The following CDC5L variants were observed in gnomAD, a reference collection of about 807,000 sequenced individuals.
CDC5L encodes cell division cycle 5-like protein.
In CDC5L, 18 loss-of-function variants were observed where a neutral mutation model predicts 104.1. That is an observed-to-expected ratio of 0.17 (90% CI 0.12 to 0.26). The LOEUF is 0.26. Ranked by LOEUF, CDC5L falls within the 10% of genes least tolerant of loss-of-function variation. The pLI, the probability that CDC5L is intolerant of heterozygous loss-of-function variation, is 1.00. For missense variants in CDC5L, 673 were observed against 956.9 expected (o/e 0.70, Z 3.91); for synonymous variants, 331 against 322.7 (o/e 1.03, Z -0.28).
At chr6:44,411,978 A>G (rs1791662981) in intron 8 of CDC5L, among the ~76,000 whole-genome samples, 1 of 152,158 alleles carries the variant, frequency 6.6e-6, no homozygotes, top group Admixed American at 6.5e-5. Flanking sequence ...CCACTCACAG[A>G]GGAAATATGG....
chr6:44,410,209 AG>A (rs918810211), intron 8 of CDC5L, among the ~76,000 whole-genome samples: 9 of 152,186 alleles, frequency 5.9e-5, no homozygotes, highest in African/African-American at 2.2e-4. Context: ...GTCCTTTGAC[AG>A]ATATCTCCCT....
At chr6:44,397,390 T>C (rs916870393) in intron 5 of CDC5L, among the ~76,000 whole-genome samples, 2 of 152,278 alleles carry the variant, frequency 1.3e-5, no homozygotes, top group Non-Finnish European at 2.9e-5. Context: ...TGAATAATAA[T>C]TGGAATTGTC....
Position 44,422,717 on chromosome 6 carries a change from A to G in CDC5L, c.1312A>G (p.Thr438Ala), listed in dbSNP as rs1272562134. 1.2e-5 allele frequency: 19 copies of G among 1,612,940 alleles called. No homozygotes were observed. Among genetic ancestry groups the G allele is most frequent in the African/African-American group, 1.1e-4 (8 of 74,848 alleles). ...AACTCCCAAACCAGTTATTAACTCT[A>G]CTCCGGGTAGAACTCCTCTTCGAGA... Reference protein sequence around the residue: ...GTTPKPVINSTPGRTPLRDKL... With the variant: ...GTTPKPVINSAPGRTPLRDKL... The change falls in exon 10 of 16, where the codon ACT becomes GCT. Residue 438 changes from threonine to alanine, a missense_variant. Coordinates refer to ENST00000371477, the MANE Select transcript of CDC5L (RefSeq NM_001253.4).
Position 44,403,843 on chromosome 6 carries a change from C to G in CDC5L, c.574C>G (p.Arg192Gly). Residue 192 changes from arginine (R) to glycine (G), a missense_variant, in exon 6 of 16, where the codon CGA becomes GGA. Physicochemically the swap from Arg to Gly is moderately radical, Grantham distance 125. Coordinates refer to ENST00000371477, the MANE Select transcript of CDC5L (RefSeq NM_001253.4). ...TGCCCTCCAAAAAAGAAGAGAACTTCGAGCAGCTGGCATAGAAATTCAGAA... is the reference window on the plus strand; with the variant it reads ...TGCCCTCCAAAAAAGAAGAGAACTTGGAGCAGCTGGCATAGAAATTCAGAA... ...LAALQKRREL[R>G]AAGIEIQKKR... The G allele has an allele frequency of 6.2e-7, 1 of 1,610,832 alleles. No homozygotes were observed. The highest frequency in any genetic ancestry group is 8.5e-7 in the Non-Finnish European group (1 of 1,179,114).
chr6:44,446,074 C>G (rs943930956), intron 15 of CDC5L, among the ~76,000 whole-genome samples: 2 of 152,148 alleles, frequency 1.3e-5, no homozygotes, highest in African/African-American at 4.8e-5. Flanking sequence ...CAAAGGCCTT[C>G]CCTTACTCAT....
In CDC5L at chr6:44,406,412, G is replaced by A. The variant is rs1045453881; in HGVS notation, c.848G>A (p.Ser283Asn). ...SDLPSAILQTSGVSEFTKKRS... is the reference protein window; with the variant it reads ...SDLPSAILQTNGVSEFTKKRS... ...TTACCATCAGCTATTCTTCAAACTA[G>A]TGGTGTTTCTGAATTTACTAAAAAG... The change falls in exon 7 of 16, where the codon AGT becomes AAT. Residue 283 changes from serine (S) to asparagine (N), a missense_variant. Physicochemically the swap from Ser to Asn is conservative, Grantham distance 46. This residue lies in a region of CDC5L where 578 missense variants were observed against 737.0 expected (regional missense o/e 0.78). Coordinates refer to ENST00000371477, the MANE Select transcript of CDC5L (RefSeq NM_001253.4). 1 of 1,611,728 alleles carries A rather than the reference G, an allele frequency of 6.2e-7. No homozygotes were observed. The highest frequency in any genetic ancestry group is 1.7e-5 in the Admixed American group (1 of 59,722).
chr6:44,394,836 A>ACAGAG, intron 4 of CDC5L, among the ~76,000 whole-genome samples: 1 of 130,168 alleles, frequency 7.7e-6, no homozygotes, highest in Non-Finnish European at 1.6e-5. Context: ...AGCCTGGGCA[A>ACAGAG]CAGAGCAGGA....
At chr6:44,428,729 C>CT (rs1168199186) in intron 13 of CDC5L, among the ~76,000 whole-genome samples, 1 of 152,146 alleles carries the variant, frequency 6.6e-6, no homozygotes, top group African/African-American at 2.4e-5. Context: ...TCATTTTACA[C>CT]TATTTTCTTT....
At chr6:44,397,188 G>A (rs1790909795) in intron 5 of CDC5L, among the ~76,000 whole-genome samples, 1 of 152,204 alleles carries the variant, frequency 6.6e-6, no homozygotes, top group East Asian at 1.9e-4. Context: ...CCAGCTATCA[G>A]TCAACTCATT....
Position 44,445,837 on chromosome 6 carries a change from T to G in CDC5L, c.2274T>G (p.His758Gln), listed in dbSNP as rs1301103652. 1.2e-6 allele frequency: 2 copies of G among 1,613,862 alleles called. No homozygotes were observed. Among genetic ancestry groups the G allele is most frequent in the Non-Finnish European group, 1.7e-6 (2 of 1,179,794 alleles). The change falls in exon 15 of 16, where the codon CAT (histidine) becomes CAG (glutamine). Residue 758 changes from histidine (H) to glutamine (Q), a missense_variant. By Grantham distance (24) the His-to-Gln change is conservative. Transcript: ENST00000371477. ...GCACTTTTGAAGAACTCAAGAAACATGAAGATTCTGCTATTCCCCGGAGGC... is the reference window on the plus strand; with the variant it reads ...GCACTTTTGAAGAACTCAAGAAACAGGAAGATTCTGCTATTCCCCGGAGGC... ...ELRTFEELKK[H>Q]EDSAIPRRLE...
intron 1 of CDC5L, among the ~76,000 whole-genome samples, chr6:44,388,656 TCG>T: frequency 6.6e-6 from 1 of 151,978 alleles, no homozygotes; most frequent in East Asian, 1.9e-4. Context: ...TGTCTTTTTT[TCG>T]TTACATTTTA....
In CDC5L at chr6:44,445,707, A is replaced by G. The variant is rs1464514037; in HGVS notation, c.2144A>G (p.Lys715Arg). Residue 715 changes from lysine to arginine, a missense_variant, in exon 15 of 16, where the codon AAG (lysine) becomes AGG (arginine). This residue lies in a region of CDC5L where 578 missense variants were observed against 737.0 expected (regional missense o/e 0.78). Transcript: ENST00000371477. ...GCCAAGAGGGCTGCAAAGATGGAAAAGAAGATGAAAATTTTGCTTGGGGGT... is the reference window on the plus strand; with the variant it reads ...GCCAAGAGGGCTGCAAAGATGGAAAGGAAGATGAAAATTTTGCTTGGGGGT... ...TEAKRAAKME[K>R]KMKILLGGYQ... is the part of the protein sequence containing the mutation. The G allele has an allele frequency of 6.2e-7, 1 of 1,614,124 alleles. No homozygotes were observed. The highest frequency in any genetic ancestry group is 1.1e-5 in the South Asian group (1 of 91,080).
At chr6:44,408,181 T>C (rs905924874) in intron 7 of CDC5L, among the ~76,000 whole-genome samples, 7 of 152,034 alleles carry the variant, frequency 4.6e-5, no homozygotes, top group African/African-American at 1.7e-4. Context: ...TACTGTGAAC[T>C]TGTGATATTA....
At chr6:44,428,913 A>T (rs754009265) in intron 13 of CDC5L, among the ~76,000 whole-genome samples, 4 of 151,920 alleles carry the variant, frequency 2.6e-5, no homozygotes, top group Non-Finnish European at 5.9e-5. Flanking sequence ...GGGAGAGTGG[A>T]AGGGGCACAC....
Position 44,448,657 on chromosome 6 carries a change from A to G in CDC5L, c.*1946A>G, listed in dbSNP as rs558372440. On this transcript the variant is annotated 3_prime_UTR_variant, in exon 16 of 16. Coordinates refer to ENST00000371477, the MANE Select transcript of CDC5L (RefSeq NM_001253.4). ...TCAGTAAGTTCTGGGTTTTCTAGGA[A>G]AAACTTCAGTATCATCAGTGAATAA... is the stretch of plus-strand genomic sequence containing the variant. 2 of 152,360 alleles carry G rather than the reference A, an allele frequency of 1.3e-5. No individual in the cohort carries two copies. Among genetic ancestry groups the G allele is most frequent in the Admixed American group, 6.5e-5 (1 of 15,300 alleles). 9.4% of individuals were successfully genotyped at this position (152,360 alleles called of 1,614,324 possible).
intron 8 of CDC5L, among the ~76,000 whole-genome samples, chr6:44,411,796 C>G (rs2153378850): frequency 6.6e-6 from 1 of 152,196 alleles, no homozygotes; most frequent in African/African-American, 2.4e-5. Flanking sequence ...TAGGGTTTCT[C>G]AAGTAAATAA....
chr6:44,402,681 G>A (rs963213745), intron 5 of CDC5L, among the ~76,000 whole-genome samples: 5 of 152,096 alleles, frequency 3.3e-5, no homozygotes, highest in Non-Finnish European at 5.9e-5. Context: ...AATGACTATC[G>A]TTATTAATAT....
intron 7 of CDC5L, among the ~76,000 whole-genome samples, chr6:44,406,940 ACAAAAAAAAC>A (rs1791394402): frequency 6.6e-6 from 1 of 152,224 alleles, no homozygotes; most frequent in South Asian, 2.1e-4. Context: ...ACAAAAAAAA[ACAAAAAAAAC>A]CCCACAAGTA....
intron 8 of CDC5L, among the ~76,000 whole-genome samples, chr6:44,411,688 C>T (rs1358666351): frequency 1.4e-5 from 2 of 141,198 alleles, no homozygotes; most frequent in African/African-American, 5.2e-5. Flanking sequence ...TTTTTATTAT[C>T]ACTCTTTTTC....
Sources: gnomAD v4.1 joint callset for allele counts (sites outside exome capture counted in the v4.1 genomes callset) on GRCh38, gnomAD v4.1.1 for gene constraint, gnomAD v4.1.1 regional missense constraint, MANE v1.5 for transcripts, NCBI Gene and HGNC (gene_info 2026-07-23, HGNC 2026-07-21) for gene names.